Variants in ENTPD5 observed in about 807,000 individuals in gnomAD.
ENTPD5 encodes the protein ectonucleoside triphosphate diphosphohydrolase 5 (inactive).
A neutral mutation model predicts 60.2 loss-of-function variants in ENTPD5; 49 were observed. The observed-to-expected ratio is 0.81, with a 90% CI of 0.65 to 1.03. The LOEUF is 1.03. ENTPD5 is among the 50% of genes least tolerant of loss of function. The pLI, the probability that ENTPD5 is intolerant of heterozygous loss-of-function variation, is 0.00. For missense variants in ENTPD5, 480 were observed against 507.6 expected, an observed-to-expected ratio of 0.95 and a Z score of 0.52; for synonymous variants, 187 against 185.4, an observed-to-expected ratio of 1.01 and a Z score of -0.07.
chr14:73,963,145 G>C (rs72627142), downstream of ENTPD5: 51,176 of 754,758 alleles, frequency 0.068, 3,445 homozygotes, highest in East Asian at 0.31. Flanking sequence ...ATGGGCCTGT[G>C]GCACCCAAAT....
chr14:73,959,203 TG>T, downstream of ENTPD5: 1 of 1,614,246 alleles, frequency 6.2e-7, no homozygotes. Flanking sequence ...TTCTTCCCTC[TG>T]GGCCTATTGC....
In ENTPD5 at chr14:73,971,859, G is replaced by T; in HGVS notation, c.1077C>A (p.Ala359=). The change falls in exon 14 of 16, where the codon GCC becomes GCA. Residue 359 remains alanine (A), a synonymous_variant. Coordinates refer to ENST00000334696, the MANE Select transcript of ENTPD5 (RefSeq NM_001249.5). ...ILKVEDFERK[A]REVCDNLENF... ...GCTTCCCCTGACACTTACCTTCCCT[G>T]GCTTTTCTTTCAAAATCTTCAACTT... 1 of 1,605,282 alleles carries T rather than the reference G, an allele frequency of 6.2e-7. No homozygotes were observed. Among genetic ancestry groups the T allele is most frequent in the Non-Finnish European group, 8.5e-7 (1 of 1,172,130 alleles).
chr14:73,990,902 G>A (rs550541205), intron 3 of ENTPD5, among the ~76,000 whole-genome samples: 321 of 151,984 alleles, frequency 2.1e-3, no homozygotes, highest in African/African-American at 7.0e-3. Context: ...GGTGGCATGC[G>A]CCAGTAGTCC....
At chr14:74,001,720 C>T (rs1264816424) in intron 3 of ENTPD5, among the ~76,000 whole-genome samples, 1 of 137,912 alleles carries the variant, frequency 7.3e-6, no homozygotes, top group Non-Finnish European at 1.5e-5. Flanking sequence ...TGGTGGTACA[C>T]ACCTGTAGTC....
At chr14:73,982,973 T>C (rs140812524) in intron 6 of ENTPD5, 45 bp downstream of exon 6, 1,425 of 1,589,986 alleles carry the variant, frequency 9.0e-4, no homozygotes, top group Non-Finnish European at 1.1e-3. Context: ...AGTATTCATA[T>C]AGGGAAAAGG....
chr14:73,987,217 C>A, intron 4 of ENTPD5: 1 of 691,608 alleles, frequency 1.4e-6, no homozygotes, highest in Non-Finnish European at 2.6e-6. Context: ...CCAAGGATGG[C>A]AGTGAAATTC....
At chr14:73,961,960 T>C, downstream of ENTPD5, 1 of 1,596,442 alleles carries the variant, frequency 6.3e-7, no homozygotes, top group South Asian at 1.1e-5. Flanking sequence ...CTTTTGCTTT[T>C]TTTTGAAACA....
intron 3 of ENTPD5, among the ~76,000 whole-genome samples, chr14:74,006,759 A>ATT (rs138912905): frequency 1.3e-5 from 2 of 151,276 alleles, no homozygotes; most frequent in Admixed American, 1.3e-4. Context: ...GAATTTTCAA[A>ATT]TTTTTTATAG....
downstream of ENTPD5, chr14:73,961,200 A>T: frequency 6.2e-7 from 1 of 1,613,944 alleles, no homozygotes; most frequent in Non-Finnish European, 8.5e-7. Flanking sequence ...CACGGACTTC[A>T]TCGACACAGC....
chr14:74,007,147 C>G (rs1167328255), intron 3 of ENTPD5, among the ~76,000 whole-genome samples: 1 of 152,066 alleles, frequency 6.6e-6, no homozygotes, highest in Admixed American at 6.6e-5. Flanking sequence ...CACCTGTAGT[C>G]CCAGCTACTC....
chr14:74,012,460 T>C (rs761475885), intron 2 of ENTPD5, among the ~76,000 whole-genome samples: 1 of 152,200 alleles, frequency 6.6e-6, no homozygotes, highest in Non-Finnish European at 1.5e-5. Context: ...ATCTGGCATA[T>C]ATGTTTAATT....
At chr14:73,973,238 T>C (rs1351513047) in intron 12 of ENTPD5, among the ~76,000 whole-genome samples, 1 of 152,310 alleles carries the variant, frequency 6.6e-6, no homozygotes, top group Non-Finnish European at 1.5e-5. Flanking sequence ...TCCTGCCTAA[T>C]CTGTATTCAC....
chr14:74,010,990 C>G (rs1048311065), intron 3 of ENTPD5, 101 bp downstream of exon 3: 3 of 169,474 alleles, frequency 1.8e-5, no homozygotes, highest in Non-Finnish European at 3.6e-5. Context: ...CTTATGGACC[C>G]TTTTCCATCT....
At chr14:73,974,023 AGAGG>A in intron 11 of ENTPD5, 45 bp from the exon 12 acceptor site, 1 of 1,542,930 alleles carries the variant, frequency 6.5e-7, no homozygotes, top group Non-Finnish European at 9.0e-7. Context: ...TAAGTGAGAG[AGAGG>A]GAGGAAGGCA....
At chr14:73,961,827 A>G (rs775080601), downstream of ENTPD5, 2 of 1,614,170 alleles carry the variant, frequency 1.2e-6, no homozygotes, top group East Asian at 2.2e-5. Flanking sequence ...AAAAGGCTCT[A>G]TTCTACCAGT....
chr14:73,997,480 G>A lies in ENTPD5; in HGVS notation c.-70-9308C>T, dbSNP rs536907410. 8.0e-4 allele frequency among the ~76,000 whole-genome samples: 122 copies of A among 152,256 alleles called. 3 individuals are homozygous for A. The highest frequency in any genetic ancestry group is 2.9e-3 in the African/African-American group (122 of 41,526). ...AAGCTCCCACTGACAATTCATCTGA[G>A]CTCCACAGCAAAGCTAGCCTTAACA... On this transcript the variant is annotated intron_variant, in intron 3 of 15. Transcript: ENST00000334696.
At chr14:73,956,188 C>T (rs1004715597), downstream of ENTPD5, 16 of 391,570 alleles carry the variant, frequency 4.1e-5, no homozygotes, top group South Asian at 2.5e-4. Context: ...ATTAGCCAGG[C>T]ATGGTGGCGG....
chr14:74,003,553 T>G, intron 3 of ENTPD5: 2 of 720,900 alleles, frequency 2.8e-6, no homozygotes, highest in East Asian at 6.2e-5. Flanking sequence ...TGGTACAAGT[T>G]GTGGGACTGC....
chr14:73,962,891 TAC>T, downstream of ENTPD5: 1 of 1,188,252 alleles, frequency 8.4e-7, no homozygotes, highest in Non-Finnish European at 1.3e-6. Context: ...GAAGAATACC[TAC>T]GTGATTATTA....
Sources: allele counts gnomAD v4.1 joint callset (sites outside exome capture counted in the v4.1 genomes callset), GRCh38; gene constraint gnomAD v4.1.1; transcripts MANE v1.5; gene names NCBI Gene and HGNC (gene_info 2026-07-23, HGNC 2026-07-21).